Variants in INTS2 observed in about 807,000 individuals in gnomAD.
The protein encoded by INTS2 is integrator complex subunit 2, also known as KIAA1287.
Under a neutral mutation model 139.6 loss-of-function variants are expected in INTS2, and 57 were observed. The observed-to-expected ratio is 0.41, with a 90% confidence interval of 0.33 to 0.51. The LOEUF (loss-of-function observed/expected upper bound fraction) is 0.51, where lower values mean the gene tolerates loss of function less well. Ranked by LOEUF, INTS2 falls within the 20% of genes least tolerant of loss-of-function variation. INTS2 has a pLI of 0.28. For missense variants in INTS2, 1,196 were observed against 1,436.7 expected (o/e 0.83, Z 2.71); for synonymous variants, 473 against 493.4 (o/e 0.96, Z 0.55).
In INTS2 at chr17:61,873,667, A is replaced by C. The variant is rs1435758017; in HGVS notation, c.2583-1207T>G. Reference sequence around the variant, plus strand: ...TTTGTTCTGATTCCTATTTCCTATGAGATCTTAATCTTACCAAACCATATT... The same window carrying C: ...TTTGTTCTGATTCCTATTTCCTATGCGATCTTAATCTTACCAAACCATATT... On this transcript the variant is annotated intron_variant, in intron 19 of 24. Coordinates refer to ENST00000251334, the MANE Select transcript of INTS2 (RefSeq NM_001351695.2). The surrounding 1 kb of genome is among the most constrained non-coding windows in gnomAD (Gnocchi z 4.0). Among the ~76,000 whole-genome samples the C allele has an allele frequency of 1.3e-5, 2 of 152,176 alleles. No individual in the cohort carries two copies. The highest frequency in any genetic ancestry group is 2.4e-5 in the African/African-American group (1 of 41,454).
chr17:61,904,349 G>A, intron 9 of INTS2, 111 bp downstream of exon 9: 2 of 746,986 alleles, frequency 2.7e-6, no homozygotes, highest in Non-Finnish European at 4.3e-6. Context: ...AACTACGACT[G>A]TCCATACCTA....
chr17:61,920,303 G>A (rs1020947171), intron 4 of INTS2, among the ~76,000 whole-genome samples: 20 of 148,610 alleles, frequency 1.3e-4, no homozygotes, highest in African/African-American at 4.2e-4. Context: ...TGCCTCAGCC[G>A]CCCGAATACC....
chr17:61,918,840 C>T (rs544903102), intron 5 of INTS2, among the ~76,000 whole-genome samples: 58 of 152,002 alleles, frequency 3.8e-4, no homozygotes, highest in African/African-American at 1.3e-3. Flanking sequence ...ATACATATCC[C>T]GTATTGCTCT....
intron 5 of INTS2, among the ~76,000 whole-genome samples, chr17:61,914,188 C>T (rs1170225792): frequency 6.6e-6 from 1 of 151,644 alleles, no homozygotes; most frequent in Non-Finnish European, 1.5e-5. Context: ...AATATATACA[C>T]CATGGAAAAA....
At chr17:61,900,000 A>G (rs536161133) in intron 9 of INTS2, among the ~76,000 whole-genome samples, 42 of 152,254 alleles carry the variant, frequency 2.8e-4, no homozygotes, top group African/African-American at 9.9e-4. Context: ...GAAAGAATTC[A>G]TGTACCTAAT....
intron 15 of INTS2, among the ~76,000 whole-genome samples, chr17:61,888,570 T>C (rs202226853): frequency 0.16 from 24,570 of 151,120 alleles, 2,372 homozygotes; most frequent in East Asian, 0.52. Context: ...CGTGCGTGTG[T>C]GTGTGTGTGT....
Position 61,907,486 on chromosome 17 carries a change from C to A in INTS2, c.1103G>T (p.Gly368Val). 5 of 1,602,904 alleles carry A rather than the reference C, an allele frequency of 3.1e-6. No homozygotes were observed. Among genetic ancestry groups the A allele is most frequent in the Non-Finnish European group, 4.3e-6 (5 of 1,174,972 alleles). The change falls in exon 8 of 25, where the codon GGG becomes GTG. Residue 368 changes from glycine (G) to valine (V), a missense_variant. This residue lies in a region of INTS2 where 1,129 missense variants were observed against 1,341.9 expected (regional missense o/e 0.84). Coordinates refer to ENST00000251334, the MANE Select transcript of INTS2 (RefSeq NM_001351695.2). ...TTTCACAACATGCTCTTCTTTCAGC[C>A]CCGAATACACAGACACATTGGGCTC... ...DMEPNVSVYS[G>V]LKEEHVVKAS...
rs1239836575 is a variant in INTS2, at chr17:61,882,341, A to G, written c.2090-1170T>C. Among the ~76,000 whole-genome samples the G allele has an allele frequency of 6.6e-6, 1 of 152,226 alleles. No individual in the cohort carries two copies. The highest frequency in any genetic ancestry group is 1.5e-5 in the Non-Finnish European group (1 of 68,038). On this transcript the variant is annotated intron_variant, in intron 16 of 24. Transcript: ENST00000251334. This position sits in a 1 kb window ranked among gnomAD's most constrained non-coding sequence, Gnocchi z 4.7. ...GTTCAAGAAGTATTAAAGAAGACCAAAAGAAATGGGAAAACTTGTTACCAA... is the reference window on the plus strand; with the variant it reads ...GTTCAAGAAGTATTAAAGAAGACCAGAAGAAATGGGAAAACTTGTTACCAA...
chr17:61,915,474 C>G (rs1040121882), intron 5 of INTS2, among the ~76,000 whole-genome samples: 9 of 150,676 alleles, frequency 6.0e-5, no homozygotes, highest in African/African-American at 1.9e-4. Flanking sequence ...TGCAGTGCGC[C>G]GAGATTGCGC....
At chr17:61,922,090 G>C (rs568156078) in intron 3 of INTS2, among the ~76,000 whole-genome samples, 2 of 152,174 alleles carry the variant, frequency 1.3e-5, no homozygotes, top group Non-Finnish European at 2.9e-5. Context: ...TAAAGGATAA[G>C]GCAAGCCAAA....
In INTS2 at chr17:61,927,709, G is replaced by C; in HGVS notation, c.-74C>G. On this transcript the variant is annotated 5_prime_UTR_variant, in exon 1 of 25. Transcript: ENST00000251334. ...CGCACACGGACTCCGCGTCCTAGAG[G>C]CGGGACGCGGCAGAAATCGAGAGCG... 1 of 1,450,766 alleles carries C rather than the reference G, an allele frequency of 6.9e-7. No individual in the cohort carries two copies. The highest frequency in any genetic ancestry group is 9.1e-7 in the Non-Finnish European group (1 of 1,104,502). The allele number at this position is 1,450,766 out of a possible 1,614,324, so 89.9% of individuals were successfully genotyped here. A position where few individuals can be genotyped will look rare whatever the true frequency, so the allele number is the denominator to read the frequency against.
chr17:61,896,417 T>G (rs550532880), intron 11 of INTS2, among the ~76,000 whole-genome samples: 16 of 152,218 alleles, frequency 1.1e-4, no homozygotes, highest in Non-Finnish European at 1.9e-4. Flanking sequence ...TTACAGTAGC[T>G]TTTCAAGAAA....
At chr17:61,915,675 C>CA (rs1380298765) in intron 5 of INTS2, among the ~76,000 whole-genome samples, 2 of 134,346 alleles carry the variant, frequency 1.5e-5, no homozygotes, top group African/African-American at 5.5e-5. Context: ...AAAAAAAATA[C>CA]AAAAAATTAG....
At chr17:61,879,903 T>G (rs1049194731) in intron 17 of INTS2, among the ~76,000 whole-genome samples, 8 of 152,182 alleles carry the variant, frequency 5.3e-5, no homozygotes, top group African/African-American at 1.9e-4. Context: ...TTATTTAAAT[T>G]AGTGTTGCCT....
At chr17:61,881,634 A>G (rs1224808599) in intron 16 of INTS2, among the ~76,000 whole-genome samples, 2 of 152,198 alleles carry the variant, frequency 1.3e-5, no homozygotes, top group African/African-American at 4.8e-5. Flanking sequence ...CACCAGCACC[A>G]TAAGCTTGGG....
chr17:61,919,490 C>G lies in INTS2; in HGVS notation c.559G>C (p.Val187Leu). ...QAELPSLLPI[V>L]DVAEALLHVR... ...TGTAGCAAAGCTTCAGCTACATCAA[C>G]TATAGGGAGCAAGGAAGGGAGCTCT... The change falls in exon 5 of 25, where the codon GTT becomes CTT. Residue 187 changes from valine (V) to leucine (L), a missense_variant. Val to Leu is a conservative substitution (Grantham distance 32). Around this residue, in one of 3 missense-constraint regions of INTS2, gnomAD observed 1,129 missense variants for 1,341.9 expected, o/e 0.84. Transcript: ENST00000251334. The G allele has an allele frequency of 6.3e-7, 1 of 1,591,392 alleles. No homozygotes were observed. Among genetic ancestry groups the G allele is most frequent in the Non-Finnish European group, 8.6e-7 (1 of 1,166,656 alleles).
At chr17:61,884,176 A>G (rs540011483) in intron 16 of INTS2, among the ~76,000 whole-genome samples, 23 of 152,212 alleles carry the variant, frequency 1.5e-4, no homozygotes, top group African/African-American at 5.3e-4. Flanking sequence ...CAAGACTCCA[A>G]GAAAAAAAAC....
At chr17:61,915,080 T>C (rs2079566187) in intron 5 of INTS2, among the ~76,000 whole-genome samples, 1 of 151,898 alleles carries the variant, frequency 6.6e-6, no homozygotes, top group East Asian at 1.9e-4. Context: ...GGCTCACGCC[T>C]ATAATCCCAG....
chr17:61,893,770 T>A lies in INTS2; in HGVS notation c.1693A>T (p.Ile565Leu). 1 of 1,581,640 alleles carries A rather than the reference T, an allele frequency of 6.3e-7. No homozygotes were observed. Among genetic ancestry groups the A allele is most frequent in the South Asian group, 1.2e-5 (1 of 84,756 alleles). Residue 565 changes from isoleucine (I) to leucine (L), a missense_variant, in exon 13 of 25, where the codon ATA becomes TTA. Coordinates refer to ENST00000251334, the MANE Select transcript of INTS2 (RefSeq NM_001351695.2). The surrounding 1 kb of genome is among the most constrained non-coding windows in gnomAD (Gnocchi z 5.4). The part of the protein sequence containing the change: ...SRSFTKHKVS[I>L]KDWIYRQLCE... ...TTTTATTTGTAGGGGCATACTTTTATTGACACTTTGTGCTTGGTAAAGGAA... is the reference window on the plus strand; with the variant it reads ...TTTTATTTGTAGGGGCATACTTTTAATGACACTTTGTGCTTGGTAAAGGAA...
Sources: allele counts gnomAD v4.1 joint callset (sites outside exome capture counted in the v4.1 genomes callset), GRCh38; gene constraint gnomAD v4.1.1; regional missense constraint gnomAD v4.1.1; non-coding constraint Gnocchi (gnomAD v3.1); transcripts MANE v1.5; gene names NCBI Gene and HGNC (gene_info 2026-07-23, HGNC 2026-07-21).